Variants in TMEM163 observed in about 807,000 individuals in gnomAD.
The protein encoded by TMEM163 is transmembrane protein 163.
A neutral mutation model predicts 29.3 loss-of-function variants in TMEM163; 17 were observed. The ratio of observed to expected loss-of-function variants is 0.58; its 90% CI spans 0.40 to 0.87. The LOEUF is 0.87. Among genes scored for constraint, TMEM163 ranks in the 40% least tolerant of loss-of-function variants. The probability of loss-of-function intolerance (pLI) is 0.00; values close to 1 mark genes in which losing one functional copy is unlikely to be tolerated. For missense variants in TMEM163, 303 were observed against 381.5 expected (o/e 0.79, Z 1.71); for synonymous variants, 157 against 160.6 (o/e 0.98, Z 0.17).
At chr2:134,666,038 T>C (rs1053080919) in intron 2 of TMEM163, among the ~76,000 whole-genome samples, 4 of 152,214 alleles carry the variant, frequency 2.6e-5, no homozygotes, top group Non-Finnish European at 2.9e-5. Flanking sequence ...CTCTGAGATC[T>C]GATACTGTCA....
chr2:134,498,292 T>TCTC (rs1231269026), intron 5 of TMEM163, among the ~76,000 whole-genome samples: 1 of 150,850 alleles, frequency 6.6e-6, no homozygotes, highest in Non-Finnish European at 1.5e-5. Context: ...CATCCCCCCT[T>TCTC]CTCCTCATCC....
chr2:134,713,206 C>G lies in TMEM163; in HGVS notation c.316G>C (p.Ala106Pro). The G allele has an allele frequency of 1.9e-6, 3 of 1,613,930 alleles. No individual in the cohort carries two copies. Among genetic ancestry groups the G allele is most frequent in the Non-Finnish European group, 1.7e-6 (2 of 1,179,944 alleles). Reference sequence around the variant, plus strand: ...CGAGACCCTTGATACTCACTAAAGGCAGCCACCGCGAGGGCCAGGGTGACA... The same window carrying G: ...CGAGACCCTTGATACTCACTAAAGGGAGCCACCGCGAGGGCCAGGGTGACA... ...IIVTLALAVA[A>P]FTVSVMRYSA... is the part of the protein sequence containing the mutation. Residue 106 changes from alanine (A) to proline (P), a missense_variant, in exon 2 of 8, where the codon GCC (alanine) becomes CCC (proline). Transcript: ENST00000281924.
chr2:134,678,492 T>C (rs1484931370), intron 2 of TMEM163, among the ~76,000 whole-genome samples: 1 of 152,230 alleles, frequency 6.6e-6, no homozygotes, highest in Non-Finnish European at 1.5e-5. Flanking sequence ...TGTAGGGACT[T>C]TCCCAGTTTA....
chr2:134,460,380 C>T lies in TMEM163; in HGVS notation c.668-2207G>A, dbSNP rs915382350. On this transcript the variant is annotated intron_variant, in intron 6 of 7. Transcript: ENST00000281924. This position sits in a 1 kb window ranked among gnomAD's most constrained non-coding sequence, Gnocchi z 4.3. ...CCCTAAACTTCCTCCCCTCCACCCA[C>T]CACTCCCTCCTGCCTCCAGCTAACA... Among the ~76,000 whole-genome samples the T allele has an allele frequency of 1.3e-5, 2 of 152,100 alleles. No individual in the cohort carries two copies. The highest frequency in any genetic ancestry group is 2.9e-5 in the Non-Finnish European group (2 of 68,018).
chr2:134,461,966 T>TACAG (rs1165028809), intron 6 of TMEM163, among the ~76,000 whole-genome samples: 47 of 152,294 alleles, frequency 3.1e-4, no homozygotes, highest in African/African-American at 1.1e-3. Flanking sequence ...AGAAGATAAT[T>TACAG]ATAGATCGCT....
chr2:134,578,460 G>A (rs919309229), intron 2 of TMEM163, among the ~76,000 whole-genome samples: 1 of 152,198 alleles, frequency 6.6e-6, no homozygotes, highest in African/African-American at 2.4e-5. Context: ...AGTTGTATTT[G>A]CAGCTTGTCA....
intron 5 of TMEM163, among the ~76,000 whole-genome samples, chr2:134,471,265 G>A (rs1426827536): frequency 6.6e-6 from 1 of 152,218 alleles, no homozygotes; most frequent in Non-Finnish European, 1.5e-5. Context: ...ACCCCAATGT[G>A]ATAGTATTTG....
chr2:134,550,115 T>C (rs1053439869), intron 4 of TMEM163, among the ~76,000 whole-genome samples: 1 of 152,114 alleles, frequency 6.6e-6, no homozygotes, highest in Non-Finnish European at 1.5e-5. Flanking sequence ...TCTTCACCCA[T>C]GGGATATGAA....
At chr2:134,529,791 A>C (rs1680380598) in intron 4 of TMEM163, among the ~76,000 whole-genome samples, 1 of 152,148 alleles carries the variant, frequency 6.6e-6, no homozygotes, top group South Asian at 2.1e-4. Flanking sequence ...CAGTTTTTAA[A>C]TAATGAGTAC....
chr2:134,668,290 C>T (rs1683912013), intron 2 of TMEM163, among the ~76,000 whole-genome samples: 1 of 152,144 alleles, frequency 6.6e-6, no homozygotes, highest in South Asian at 2.1e-4. Flanking sequence ...CATCAGTGGC[C>T]ACATATCCCT....
chr2:134,480,342 T>C (rs1687021290), intron 5 of TMEM163, among the ~76,000 whole-genome samples: 1 of 152,168 alleles, frequency 6.6e-6, no homozygotes, highest in Admixed American at 6.5e-5. Context: ...CTGTGTCATC[T>C]CTCTGCTCAA....
intron 4 of TMEM163, among the ~76,000 whole-genome samples, chr2:134,511,495 G>A (rs1168958093): frequency 6.6e-6 from 1 of 152,110 alleles, no homozygotes. Context: ...CTGCTCTTTT[G>A]AGAAAAGACC....
chr2:134,682,487 A>G (rs900515728), intron 2 of TMEM163, among the ~76,000 whole-genome samples: 2 of 152,186 alleles, frequency 1.3e-5, no homozygotes, highest in Non-Finnish European at 2.9e-5. Context: ...AAAGAAAACT[A>G]ATGAGAAAGT....
At position 134,456,528 on chromosome 2, in the gene TMEM163, T is replaced by C. The variant is rs1468117425; in HGVS notation, c.*188A>G. 4 of 649,072 alleles carry C rather than the reference T, an allele frequency of 6.2e-6. No homozygotes were observed. Among genetic ancestry groups the C allele is most frequent in the African/African-American group, 5.4e-5 (3 of 55,420 alleles). The allele number at this position is 649,072 out of a possible 1,614,324, so 40.2% of individuals were successfully genotyped here. On this transcript the variant is annotated 3_prime_UTR_variant, in exon 8 of 8. Transcript: ENST00000281924. ...CATTCCTATGGGCATTGTCCCAACA[T>C]GTTTGATGGGGGCGGCAGGTGATGG...
intron 5 of TMEM163, among the ~76,000 whole-genome samples, chr2:134,489,575 C>CT (rs1679384478): frequency 1.5e-5 from 2 of 130,080 alleles, no homozygotes; most frequent in Middle Eastern, 4.4e-3. Context: ...GACTCTCTCT[C>CT]AAAAAAAAAA....
At chr2:134,714,985 T>A (rs1455341491) in intron 1 of TMEM163, among the ~76,000 whole-genome samples, 2 of 152,212 alleles carry the variant, frequency 1.3e-5, no homozygotes, top group African/African-American at 2.4e-5. Context: ...ATGTCCCTTT[T>A]CCCAAATGAT....
At chr2:134,642,751 G>T (rs6745632) in intron 2 of TMEM163, among the ~76,000 whole-genome samples, 125,881 of 151,996 alleles carry the variant, frequency 0.83, 53,285 homozygotes, top group African/African-American at 0.96. Flanking sequence ...AACAACACAA[G>T]TATAAATAAT....
chr2:134,621,959 T>C (rs554567830), intron 2 of TMEM163, among the ~76,000 whole-genome samples: 21 of 152,194 alleles, frequency 1.4e-4, no homozygotes, highest in Non-Finnish European at 2.8e-4. Flanking sequence ...TGGAGTACTA[T>C]TCAATAATTA....
chr2:134,519,872 A>G (rs1351112013), intron 4 of TMEM163, among the ~76,000 whole-genome samples: 1 of 146,222 alleles, frequency 6.8e-6, no homozygotes, highest in Non-Finnish European at 1.5e-5. Flanking sequence ...CCTGGGTGAC[A>G]GAGCAAGACC....
Sources: gnomAD v4.1 joint callset for allele counts (sites outside exome capture counted in the v4.1 genomes callset) on GRCh38, gnomAD v4.1.1 for gene constraint, Gnocchi (gnomAD v3.1) non-coding constraint, MANE v1.5 for transcripts, NCBI Gene and HGNC (gene_info 2026-07-23, HGNC 2026-07-21) for gene names.